The following ASTN2 variants were observed in gnomAD, a reference collection of about 807,000 sequenced individuals.
ASTN2 encodes the protein astrotactin 2, also known as astrotactin-2.
Under a neutral mutation model 139.8 loss-of-function variants are expected in ASTN2, and 54 were observed. The ratio of observed to expected loss-of-function variants is 0.39; its 90% CI spans 0.31 to 0.48. ASTN2 has a LOEUF of 0.48. Ranked by LOEUF, ASTN2 falls within the 20% of genes least tolerant of loss-of-function variation. The pLI is 0.95. For synonymous variants in ASTN2, 756 were observed against 719.5 expected, an observed-to-expected ratio of 1.05 and a Z score of -0.81; for missense variants, 1,565 against 1,725.1, an observed-to-expected ratio of 0.91 and a Z score of 1.64.
chr9:117,360,160 T>C (rs1327732849), intron 1 of ASTN2, among the ~76,000 whole-genome samples: 2 of 152,170 alleles, frequency 1.3e-5, no homozygotes, highest in African/African-American at 2.4e-5. Context: ...CATTCTTCCA[T>C]GTAACTGTCA....
intron 3 of ASTN2, among the ~76,000 whole-genome samples, chr9:117,145,007 T>A (rs934153820): frequency 6.6e-6 from 1 of 152,012 alleles, no homozygotes; most frequent in Non-Finnish European, 1.5e-5. Context: ...ACTTTTATTT[T>A]AGACTCAGGG....
intron 5 of ASTN2, among the ~76,000 whole-genome samples, chr9:117,058,423 T>C (rs1839131662): frequency 6.6e-6 from 1 of 152,246 alleles, no homozygotes; most frequent in Non-Finnish European, 1.5e-5. Context: ...CTGGATTAAG[T>C]CCTTTGCAGG....
chr9:116,802,385 G>A (rs919121513), intron 13 of ASTN2, among the ~76,000 whole-genome samples: 11 of 152,084 alleles, frequency 7.2e-5, no homozygotes, highest in African/African-American at 1.9e-4. Context: ...CACAACCAGC[G>A]GTGCCATGCT....
In ASTN2 at chr9:116,887,239, G is replaced by A. The variant is rs575511307; in HGVS notation, c.1890-23506C>T. Among the ~76,000 whole-genome samples the A allele has an allele frequency of 5.3e-5, 8 of 152,146 alleles. No individual in the cohort carries two copies. The South Asian group carries it at 1.7e-3, about 32-fold the overall frequency. On this transcript the variant is annotated intron_variant, in intron 10 of 22. Transcript: ENST00000313400. ...CTAGCTAGGTGAGACAGCCAGGGGA[G>A]ACAGACATAAACACACATAGAAATA...
intron 5 of ASTN2, among the ~76,000 whole-genome samples, chr9:117,067,581 T>G (rs903421584): frequency 5.5e-5 from 8 of 145,232 alleles, no homozygotes; most frequent in South Asian, 2.3e-4. Context: ...GCATTGAATC[T>G]GTAAATTACC....
At chr9:116,571,897 A>G (rs979787798) in intron 19 of ASTN2, among the ~76,000 whole-genome samples, 2 of 152,154 alleles carry the variant, frequency 1.3e-5, no homozygotes, top group Middle Eastern at 3.4e-3. Context: ...ATGTGCTCAC[A>G]TGCATGTTTA....
intron 16 of ASTN2, among the ~76,000 whole-genome samples, chr9:116,659,758 T>C (rs1221496858): frequency 1.3e-5 from 2 of 152,182 alleles, no homozygotes; most frequent in African/African-American, 2.4e-5. Context: ...AAAGGTCACC[T>C]GGTCAGAAAT....
intron 13 of ASTN2, among the ~76,000 whole-genome samples, chr9:116,756,302 C>T (rs1465026618): frequency 6.6e-6 from 1 of 152,146 alleles, no homozygotes; most frequent in East Asian, 1.9e-4. Context: ...GATGCCAGAG[C>T]TCATGGTCTC....
rs532215133 is a variant in ASTN2 at position 117,207,569 on chromosome 9, C to T, written c.1015+6789G>A. ...AGCAAACTTATGCCCATGTCCCAGG[C>T]CTAAGAAACATCCCTATGAGCTGCC... is the stretch of plus-strand genomic sequence containing the variant. On this transcript the variant is annotated intron_variant, in intron 3 of 22. Coordinates refer to ENST00000313400, the MANE Select transcript of ASTN2 (RefSeq NM_001365068.1). Among the ~76,000 whole-genome samples the T allele has an allele frequency of 1.2e-3, 177 of 152,280 alleles. 1 individual carries two copies. Among genetic ancestry groups the T allele is most frequent in the Middle Eastern group, 6.8e-3 (2 of 294 alleles).
chr9:116,578,069 C>A (rs1853794980), intron 19 of ASTN2, among the ~76,000 whole-genome samples: 1 of 152,148 alleles, frequency 6.6e-6, no homozygotes, highest in South Asian at 2.1e-4. Flanking sequence ...AGGATCCTTT[C>A]TCTGACTACA....
chr9:117,149,941 T>G (rs1038450795), intron 3 of ASTN2, among the ~76,000 whole-genome samples: 31 of 152,218 alleles, frequency 2.0e-4, no homozygotes, highest in African/African-American at 7.0e-4. Flanking sequence ...AGCAAGCGTC[T>G]GCAGACAAGA....
Position 116,474,010 on chromosome 9 carries a change from CA to C in ASTN2, c.3497+13348del, listed in dbSNP as rs1848901255. ...GAGCTCTGCATGTGTATTTGTTTCA[CA>C]ACAAAATTCTAACATGGAAAATGGC... is the stretch of plus-strand genomic sequence containing the variant. On this transcript the variant is annotated intron_variant, in intron 20 of 22. Transcript: ENST00000313400. Among the ~76,000 whole-genome samples, 3 of 152,222 alleles carry C rather than the reference CA, an allele frequency of 2.0e-5. No homozygotes were observed. The South Asian group carries it at 6.2e-4, about 32-fold the overall frequency.
chr9:116,868,278 T>C (rs1041682473), intron 10 of ASTN2, among the ~76,000 whole-genome samples: 7 of 152,166 alleles, frequency 4.6e-5, no homozygotes, highest in Admixed American at 1.3e-4. Context: ...AATGTGCAGC[T>C]GGAGAAACAG....
At chr9:116,577,521 A>G (rs1570198) in intron 19 of ASTN2, among the ~76,000 whole-genome samples, 31,380 of 151,428 alleles carry the variant, frequency 0.21, 4,300 homozygotes, top group African/African-American at 0.38. Flanking sequence ...AACAGAATGA[A>G]ACTGTGTCTC....
At chr9:117,019,937 G>T (rs185367828) in intron 6 of ASTN2, among the ~76,000 whole-genome samples, 1 of 151,662 alleles carries the variant, frequency 6.6e-6, no homozygotes, top group Admixed American at 6.6e-5. Context: ...CAAGTTGCCC[G>T]AAAATAGATA....
intron 7 of ASTN2, among the ~76,000 whole-genome samples, chr9:116,980,826 C>T (rs1419807054): frequency 6.6e-6 from 1 of 152,116 alleles, no homozygotes; most frequent in African/African-American, 2.4e-5. Flanking sequence ...GATGAAAAGC[C>T]TCTGACAGCC....
At chr9:117,412,884 A>C (rs1027461983) in intron 1 of ASTN2, among the ~76,000 whole-genome samples, 1 of 151,928 alleles carries the variant, frequency 6.6e-6, no homozygotes, top group African/African-American at 2.4e-5. Flanking sequence ...CACCACCTCC[A>C]CCCTCCTTCC....
intron 16 of ASTN2, among the ~76,000 whole-genome samples, chr9:116,684,161 TA>T (rs1860058313): frequency 6.6e-6 from 1 of 152,210 alleles, no homozygotes; most frequent in South Asian, 2.1e-4. Flanking sequence ...GCTTGGCTTT[TA>T]AAAACTCTTA....
chr9:116,853,803 T>C (rs1832672921), intron 11 of ASTN2, among the ~76,000 whole-genome samples: 5 of 152,100 alleles, frequency 3.3e-5, no homozygotes, highest in Admixed American at 2.6e-4. Context: ...CTAATACAAT[T>C]TGAAAACTGT....
Sources: gnomAD v4.1 joint callset for allele counts (sites outside exome capture counted in the v4.1 genomes callset) on GRCh38, gnomAD v4.1.1 for gene constraint, MANE v1.5 for transcripts, NCBI Gene and HGNC (gene_info 2026-07-23, HGNC 2026-07-21) for gene names.